The following MED1 variants were observed in gnomAD, a reference collection of about 807,000 sequenced individuals.
MED1 encodes the protein mediator complex subunit 1.
Under a neutral mutation model 121.3 loss-of-function variants are expected in MED1, and 17 were observed. That is an observed-to-expected ratio of 0.14 (90% CI 0.10 to 0.21). The LOEUF (loss-of-function observed/expected upper bound fraction) is 0.21. Among genes scored for constraint, MED1 ranks in the 10% least tolerant of loss-of-function variants. The pLI is 1.00. For missense variants in MED1, 1,558 were observed against 1,919.4 expected, an observed-to-expected ratio of 0.81 and a Z score of 3.52; for synonymous variants, 661 against 694.4, an observed-to-expected ratio of 0.95 and a Z score of 0.76.
intron 2 of MED1, among the ~76,000 whole-genome samples, chr17:39,446,643 G>T (rs543251692): frequency 1.3e-5 from 2 of 148,382 alleles, no homozygotes; most frequent in African/African-American, 5.0e-5. Context: ...GCGTGGTGGC[G>T]TGTGCCTGTA....
At chr17:39,431,913 A>C in intron 8 of MED1, 29 bp downstream of exon 8, 1 of 1,498,458 alleles carries the variant, frequency 6.7e-7, no homozygotes, top group Non-Finnish European at 9.3e-7. Flanking sequence ...TCAAGGGATC[A>C]TGTAGAATTA....
chr17:39,442,987 C>T (rs1429233541), intron 3 of MED1, among the ~76,000 whole-genome samples: 1 of 143,796 alleles, frequency 7.0e-6, no homozygotes, highest in South Asian at 2.1e-4. Flanking sequence ...AAAAACTTTT[C>T]CCAGGTATCT....
chr17:39,407,053 G>A lies in MED1; in HGVS notation c.*422C>T, dbSNP rs923817548. 1.0e-6 allele frequency: 1 copy of A among 989,378 alleles called. No individual in the cohort carries two copies. Among genetic ancestry groups the A allele is most frequent in the Non-Finnish European group, 1.2e-6 (1 of 832,486 alleles). The allele number at this position is 989,378 out of a possible 1,614,324, so 61.3% of individuals were successfully genotyped here. On this transcript the variant is annotated 3_prime_UTR_variant, in exon 17 of 17. Coordinates refer to ENST00000300651, the MANE Select transcript of MED1 (RefSeq NM_004774.4). ...CCTTCATGCAAATGCATCAAGGAAT[G>A]TATTGCTTTTTCATTTTCTGCCCAG...
chr17:39,441,851 C>A, intron 3 of MED1, among the ~76,000 whole-genome samples: 1 of 152,046 alleles, frequency 6.6e-6, no homozygotes, highest in East Asian at 1.9e-4. Context: ...GCCTGTAATC[C>A]CAACACTTTG....
At chr17:39,416,657 A>G (rs2048412106) in intron 14 of MED1, among the ~76,000 whole-genome samples, 1 of 152,106 alleles carries the variant, frequency 6.6e-6, no homozygotes, top group African/African-American at 2.4e-5. Context: ...ACTACTAAAA[A>G]TTTCTCATTT....
At position 39,414,633 on chromosome 17, in the gene MED1, CCTTTTTTTT is replaced by C. The variant is rs1567641072; in HGVS notation, c.1499+384_1499+392del. 4.4e-5 allele frequency among the ~76,000 whole-genome samples: 5 copies of C among 113,450 alleles called. 1 individual carries two copies. Among genetic ancestry groups the C allele is most frequent in the Non-Finnish European group, 7.0e-5 (4 of 57,348 alleles). The allele number at this position is 113,450 out of a possible 152,430, so 74.4% of individuals were successfully genotyped here. A position where few individuals can be genotyped will look rare whatever the true frequency, so the allele number is the denominator to read the frequency against. ...TACAGGCGTGAGCCACCAGGCCCGG[CCTTTTTTTT>C]TTTTTTTTTTTTTTTTTTTTTTTTT... On this transcript the variant is annotated intron_variant, in intron 16 of 16. Transcript: ENST00000300651.
chr17:39,448,454 G>C (rs2048749838), intron 1 of MED1, among the ~76,000 whole-genome samples: 1 of 151,036 alleles, frequency 6.6e-6, no homozygotes, highest in Non-Finnish European at 1.5e-5. Flanking sequence ...GGCTGAGGCA[G>C]AAGGATCACC....
At chr17:39,414,816 C>CACA (rs1314893983) in intron 16 of MED1, among the ~76,000 whole-genome samples, 1 of 151,724 alleles carries the variant, frequency 6.6e-6, no homozygotes, top group African/African-American at 2.4e-5. Flanking sequence ...ACTACATGTG[C>CACA]CCGCCATCGC....
At chr17:39,428,391 G>C (rs1181838236) in intron 9 of MED1, among the ~76,000 whole-genome samples, 1 of 152,148 alleles carries the variant, frequency 6.6e-6, no homozygotes, top group Admixed American at 6.6e-5. Flanking sequence ...GGCTGAGGCA[G>C]AAGAATCGCT....
chr17:39,428,981 A>T (rs536907039), intron 9 of MED1, among the ~76,000 whole-genome samples: 28 of 151,938 alleles, frequency 1.8e-4, no homozygotes, highest in Admixed American at 1.2e-3. Context: ...CAGAAGATGA[A>T]GTATGGATTC....
Position 39,451,158 on chromosome 17 carries a change from G to A in MED1, c.-96C>T. 1 of 1,399,640 alleles carries A rather than the reference G, an allele frequency of 7.1e-7. No individual in the cohort carries two copies. Among genetic ancestry groups the A allele is most frequent in the Non-Finnish European group, 1.0e-6 (1 of 993,140 alleles). 86.7% of individuals were successfully genotyped at this position (1,399,640 alleles called of 1,614,324 possible). A position where few individuals can be genotyped will look rare whatever the true frequency, so the allele number is the denominator to read the frequency against. ...AGTTGGCTCGGGATCCCGGGACGCAGGGCACCAGCAGTCCCTACTCTTCCC... is the reference window on the plus strand; with the variant it reads ...AGTTGGCTCGGGATCCCGGGACGCAAGGCACCAGCAGTCCCTACTCTTCCC... On this transcript the variant is annotated 5_prime_UTR_variant, in exon 1 of 17. Coordinates refer to ENST00000300651, the MANE Select transcript of MED1 (RefSeq NM_004774.4).
chr17:39,434,717 T>G (rs1262505154), intron 6 of MED1, among the ~76,000 whole-genome samples: 1 of 152,152 alleles, frequency 6.6e-6, no homozygotes, highest in Non-Finnish European at 1.5e-5. Context: ...CAGGCCAGAC[T>G]CTAACTCCAG....
chr17:39,447,143 C>A lies in MED1; in HGVS notation c.132+655G>T, dbSNP rs902401804. Among the ~76,000 whole-genome samples the A allele has an allele frequency of 2.6e-5, 4 of 152,268 alleles. No individual in the cohort carries two copies. In the East Asian group the frequency reaches 7.7e-4, roughly 29 times the overall value. On this transcript the variant is annotated intron_variant, in intron 2 of 16. Transcript: ENST00000300651. ...CGGTGGCTCACGCCTGTAATCCCAGCACTTTGGGAGGCGAAGGCAGGTGGA... is the reference window on the plus strand; with the variant it reads ...CGGTGGCTCACGCCTGTAATCCCAGAACTTTGGGAGGCGAAGGCAGGTGGA...
chr17:39,433,546 T>TATATATATATATATAC (rs540103395), intron 7 of MED1, among the ~76,000 whole-genome samples: 4 of 150,446 alleles, frequency 2.7e-5, no homozygotes, highest in African/African-American at 9.8e-5. Context: ...TATATATATA[T>TATATATATATATATAC]ACACACATAT....
rs933815085 is a variant in MED1, at chr17:39,405,891, C to T, written c.*1584G>A. On this transcript the variant is annotated 3_prime_UTR_variant, in exon 17 of 17. Coordinates refer to ENST00000300651, the MANE Select transcript of MED1 (RefSeq NM_004774.4). ...TGAAGTCACTCCACTTACGACATAACACACAAAGGAATCACCTGGCTTTTT... is the reference window on the plus strand; with the variant it reads ...TGAAGTCACTCCACTTACGACATAATACACAAAGGAATCACCTGGCTTTTT... 4.1e-6 allele frequency: 4 copies of T among 985,238 alleles called. No homozygotes were observed. In the African/African-American group the frequency reaches 7.0e-5, roughly 17 times the overall value. 61.0% of individuals were successfully genotyped at this position (985,238 alleles called of 1,614,324 possible).
intron 16 of MED1, among the ~76,000 whole-genome samples, chr17:39,413,923 A>C (rs1567640800): frequency 6.7e-6 from 1 of 149,146 alleles, no homozygotes; most frequent in Admixed American, 6.7e-5. Flanking sequence ...AAAAAAAAAA[A>C]AAAAAAAAAA....
Position 39,431,175 on chromosome 17 carries a change from C to G in MED1, c.589G>C (p.Ala197Pro), listed in dbSNP as rs62075035. The G allele has an allele frequency of 6.2e-7, 1 of 1,612,708 alleles. No homozygotes were observed. Among genetic ancestry groups the G allele is most frequent in the East Asian group, 2.2e-5 (1 of 44,878 alleles). ...TGAAGAATCTTATCCAAGGGACCAG[C>G]ATTAGTTGCTTTCCTGTAAGACAAG... is the stretch of plus-strand genomic sequence containing the variant. ...MAIMYWKATNAGPLDKILHGS... is the reference protein window; with the variant it reads ...MAIMYWKATNPGPLDKILHGS... Residue 197 changes from alanine to proline, a missense_variant, in exon 9 of 17, where the codon GCT becomes CCT. Around this residue, in one of 5 missense-constraint regions of MED1, gnomAD observed 443 missense variants for 532.4 expected, o/e 0.83. Transcript: ENST00000300651.
At position 39,409,159 on chromosome 17, in the gene MED1, G is replaced by A; in HGVS notation, c.3062C>T (p.Ser1021Phe). 6.2e-7 allele frequency: 1 copy of A among 1,614,142 alleles called. No homozygotes were observed. The highest frequency in any genetic ancestry group is 8.5e-7 in the Non-Finnish European group (1 of 1,180,030). The change falls in exon 17 of 17, where the codon TCT (serine) becomes TTT (phenylalanine). Residue 1021 changes from serine (S) to phenylalanine (F), a missense_variant. Ser to Phe is a radical substitution (Grantham distance 155). Coordinates refer to ENST00000300651, the MANE Select transcript of MED1 (RefSeq NM_004774.4). ...TCTGTTAGAAGAACTATGAGATGGA[G>A]ACTTTCCCTCAGTGTCTGCCTTCTT... ...KRKKADTEGK[S>F]PSHSSSNRPF...
At chr17:39,427,275 G>A (rs1036944315) in intron 10 of MED1, among the ~76,000 whole-genome samples, 2 of 151,906 alleles carry the variant, frequency 1.3e-5, no homozygotes, top group African/African-American at 4.8e-5. Flanking sequence ...TCCTCCTCCC[G>A]GGTTCAAGCA....
Sources: allele counts gnomAD v4.1 joint callset (sites outside exome capture counted in the v4.1 genomes callset), GRCh38; gene constraint gnomAD v4.1.1; regional missense constraint gnomAD v4.1.1; transcripts MANE v1.5; gene names NCBI Gene and HGNC (gene_info 2026-07-23, HGNC 2026-07-21).